Variants in COL24A1 observed in about 807,000 individuals in gnomAD.
COL24A1 encodes collagen alpha-1(XXIV) chain.
COL24A1 carries 224 observed loss-of-function variants against 253.9 expected under a neutral mutation model. The ratio of observed to expected loss-of-function variants is 0.88; its 90% CI spans 0.79 to 0.99. The LOEUF is 0.99. COL24A1 is among the 50% of genes least tolerant of loss of function. The probability of loss-of-function intolerance (pLI) is 0.00; values close to 1 mark genes in which losing one functional copy is unlikely to be tolerated. For missense variants in COL24A1, 2,131 were observed against 2,068.5 expected, an observed-to-expected ratio of 1.03 and a Z score of -0.59; for synonymous variants, 685 against 673.7, an observed-to-expected ratio of 1.02 and a Z score of -0.26.
At chr1:85,811,238 G>T (rs313745) in intron 47 of COL24A1, among the ~76,000 whole-genome samples, 69,657 of 151,536 alleles carry the variant, frequency 0.46, 16,242 homozygotes, top group East Asian at 0.57. Context: ...TAGACATTTG[G>T]GTTGTTTCTA....
intron 55 of COL24A1, among the ~76,000 whole-genome samples, chr1:85,754,505 T>A (rs1570460242): frequency 6.7e-5 from 6 of 90,204 alleles, no homozygotes; most frequent in African/African-American, 2.2e-4. Flanking sequence ...ACCTGCACAA[T>A]GTGCACATGT....
intron 10 of COL24A1, among the ~76,000 whole-genome samples, chr1:86,055,771 T>C (rs921541577): frequency 1.3e-5 from 2 of 151,976 alleles, no homozygotes; most frequent in Non-Finnish European, 2.9e-5. Flanking sequence ...AATAATGAGA[T>C]AAGAAAAATG....
At position 86,035,198 on chromosome 1, in the gene COL24A1, G is replaced by A. The variant is rs527482577; in HGVS notation, c.1951-1275C>T. 2.6e-5 allele frequency among the ~76,000 whole-genome samples: 4 copies of A among 152,208 alleles called. No individual in the cohort carries two copies. The East Asian group carries it at 7.7e-4, about 29-fold the overall frequency. The stretch of plus-strand genomic sequence containing the variant: ...AACCATCTGTGTAGTCAAATATATT[G>A]TAGCCATACTCCCTTCAAAGTCAGC... On this transcript the variant is annotated intron_variant, in intron 12 of 59. Coordinates refer to ENST00000370571, the MANE Select transcript of COL24A1 (RefSeq NM_152890.7).
chr1:86,103,021 T>C (rs1704607236), intron 5 of COL24A1, among the ~76,000 whole-genome samples: 1 of 152,232 alleles, frequency 6.6e-6, no homozygotes, highest in Non-Finnish European at 1.5e-5. Flanking sequence ...CTAAATCTTT[T>C]TGAAGGTCTC....
chr1:86,106,556 G>A (rs560547608), intron 5 of COL24A1, among the ~76,000 whole-genome samples: 149 of 152,146 alleles, frequency 9.8e-4, no homozygotes, highest in Non-Finnish European at 1.9e-3. Flanking sequence ...CAGACTCTAC[G>A]TGCATTCATC....
chr1:86,009,914 A>G lies in COL24A1; in HGVS notation c.2310+7237T>C, dbSNP rs547363428. Among the ~76,000 whole-genome samples the G allele has an allele frequency of 2.0e-5, 3 of 152,282 alleles. No individual in the cohort carries two copies. The South Asian group carries it at 6.2e-4, about 32-fold the overall frequency. On this transcript the variant is annotated intron_variant, in intron 19 of 59. Coordinates refer to ENST00000370571, the MANE Select transcript of COL24A1 (RefSeq NM_152890.7). ...ACCAAAACAATGCATGCAGTGTGTG[A>G]CTGTGTATGATATAGGTAGCATAGT...
intron 1 of COL24A1, among the ~76,000 whole-genome samples, chr1:86,151,131 C>T (rs559280182): frequency 3.3e-5 from 5 of 151,292 alleles, no homozygotes; most frequent in Non-Finnish European, 7.4e-5. Flanking sequence ...ATATATAAAG[C>T]GTTTGTTATT....
chr1:86,116,368 T>C lies in COL24A1; in HGVS notation c.1492-990A>G, dbSNP rs142689199. ...ACCTAATGTGCTTTATTTTTCTTTATTGTAAAATTTTTATATATCTATGCT... is the reference window on the plus strand; with the variant it reads ...ACCTAATGTGCTTTATTTTTCTTTACTGTAAAATTTTTATATATCTATGCT... On this transcript the variant is annotated intron_variant, in intron 3 of 59. Transcript: ENST00000370571. Among the ~76,000 whole-genome samples, 1,340 of 152,338 alleles carry C rather than the reference T, an allele frequency of 8.8e-3. 16 individuals carry two copies. Among genetic ancestry groups the C allele is most frequent in the Non-Finnish European group, 0.015 (997 of 68,012 alleles).
chr1:85,991,064 C>G (rs1694213096), intron 19 of COL24A1, among the ~76,000 whole-genome samples: 1 of 152,182 alleles, frequency 6.6e-6, no homozygotes, highest in African/African-American at 2.4e-5. Context: ...ACATCACACA[C>G]ACAAAAAGAG....
intron 24 of COL24A1, among the ~76,000 whole-genome samples, chr1:85,933,502 T>G (rs530270952): frequency 1.8e-4 from 27 of 152,278 alleles, no homozygotes; most frequent in Admixed American, 1.4e-3. Context: ...TACTTCTAGA[T>G]AGCTTTCCTA....
intron 14 of COL24A1, among the ~76,000 whole-genome samples, chr1:86,023,598 G>C (rs1697756150): frequency 6.6e-6 from 1 of 151,910 alleles, no homozygotes; most frequent in Non-Finnish European, 1.5e-5. Context: ...TAATATGTAC[G>C]AGACACTGTT....
intron 11 of COL24A1, among the ~76,000 whole-genome samples, chr1:86,048,426 CA>C (rs1431409876): frequency 2.6e-5 from 4 of 151,948 alleles, no homozygotes; most frequent in Non-Finnish European, 5.9e-5. Flanking sequence ...AATATTAGGA[CA>C]CAGTACCCGT....
chr1:85,783,456 G>T, intron 51 of COL24A1, 40 bp downstream of exon 51: 1 of 1,577,178 alleles, frequency 6.3e-7, no homozygotes, highest in South Asian at 1.1e-5. Context: ...AGTAAGCAAA[G>T]AACCACAATT....
At chr1:85,807,768 A>T (rs313741) in intron 47 of COL24A1, among the ~76,000 whole-genome samples, 69,957 of 151,848 alleles carry the variant, frequency 0.46, 16,400 homozygotes, top group East Asian at 0.58. Context: ...TGTATACTAC[A>T]ACTCCTCCCC....
At chr1:85,836,840 T>C (rs760608621) in intron 43 of COL24A1, among the ~76,000 whole-genome samples, 6 of 152,192 alleles carry the variant, frequency 3.9e-5, no homozygotes, top group Non-Finnish European at 8.8e-5. Context: ...GATTAGACAG[T>C]GAACCTAGGG....
At chr1:85,888,789 A>G (rs1316638075) in intron 32 of COL24A1, among the ~76,000 whole-genome samples, 1 of 152,116 alleles carries the variant, frequency 6.6e-6, no homozygotes, top group African/African-American at 2.4e-5. Context: ...TAGCTCTTTT[A>G]GTGTTAGAAT....
At chr1:85,779,336 C>T (rs533066810) in intron 52 of COL24A1, among the ~76,000 whole-genome samples, 108 of 152,162 alleles carry the variant, frequency 7.1e-4, no homozygotes, top group Admixed American at 2.2e-3. Context: ...AAAATGTAAT[C>T]GGAGACTTCT....
intron 19 of COL24A1, among the ~76,000 whole-genome samples, chr1:85,989,371 A>C (rs1694016725): frequency 6.6e-6 from 1 of 151,844 alleles, no homozygotes; most frequent in Non-Finnish European, 1.5e-5. Flanking sequence ...TTCCCTCCCC[A>C]CCACCACCAC....
chr1:86,011,820 C>T (rs541225751), intron 19 of COL24A1, among the ~76,000 whole-genome samples: 2 of 152,218 alleles, frequency 1.3e-5, no homozygotes, highest in African/African-American at 4.8e-5. Context: ...GATCTTATAC[C>T]TTACTGGGTT....
Sources: allele counts gnomAD v4.1 joint callset (sites outside exome capture counted in the v4.1 genomes callset), GRCh38; gene constraint gnomAD v4.1.1; transcripts MANE v1.5; gene names NCBI Gene and HGNC (gene_info 2026-07-23, HGNC 2026-07-21).